FRMPD3: variants seen among roughly 807,000 people sequenced by gnomAD.
The protein encoded by FRMPD3 is FERM and PDZ domain-containing protein 3.
FRMPD3 carries 42 observed loss-of-function variants against 97.9 expected under a neutral mutation model. The ratio of observed to expected loss-of-function variants is 0.43; its 90% confidence interval spans 0.34 to 0.55. The LOEUF (loss-of-function observed/expected upper bound fraction) is 0.55, where lower values mean the gene tolerates loss of function less well. FRMPD3 is among the 20% of genes least tolerant of loss of function. The pLI is 0.03. For missense variants in FRMPD3, 1,303 were observed against 1,457.7 expected (o/e 0.89, Z 1.73); for synonymous variants, 577 against 581.1 (o/e 0.99, Z 0.10).
rs369595159 is a variant in FRMPD3 at position 107,602,633 on chromosome X, G to A, written c.4594G>A (p.Glu1532Lys). ...MKILPGMKLD[E>K]QVVPVVSRTL... ...GATCCTGCCTGGCATGAAGCTGGAC[G>A]AGCAGGTGGTGCCTGTGGTGAGCAG... Residue 1532 changes from glutamate (E) to lysine (K), a missense_variant, in exon 15 of 15, where the codon GAG becomes AAG. By Grantham distance (56) the Glu-to-Lys change is moderately conservative. This residue lies in a region of FRMPD3 where 764 missense variants were observed against 820.2 expected (regional missense o/e 0.93). Coordinates refer to ENST00000683843, the MANE Select transcript of FRMPD3 (RefSeq NM_001388459.1). 25 of 1,210,048 alleles carry A rather than the reference G, an allele frequency of 2.1e-5. No homozygotes were observed. The East Asian group carries it at 3.0e-4, about 14-fold the overall frequency.
At chrX:107,550,767 A>AC (rs1424579685) in intron 6 of FRMPD3, among the ~76,000 whole-genome samples, 1 of 110,850 alleles carries the variant, frequency 9.0e-6, no homozygotes, top group Non-Finnish European at 1.9e-5. Context: ...GATATGATTC[A>AC]CCCCCAGATT....
At chrX:107,498,519 G>A (rs1335864693) in intron 1 of FRMPD3, among the ~76,000 whole-genome samples, 1 of 112,016 alleles carries the variant, frequency 8.9e-6, no homozygotes, top group East Asian at 2.8e-4. Context: ...AGGAGCACTG[G>A]AACCTCACTC....
At chrX:107,519,267 G>T (rs2147541968) in intron 1 of FRMPD3, among the ~76,000 whole-genome samples, 1 of 112,099 alleles carries the variant, frequency 8.9e-6, no homozygotes, top group South Asian at 3.7e-4. Context: ...AGGCTGAGGT[G>T]GGTGGATTGC....
At chrX:107,553,347 C>T (rs1249734102) in intron 7 of FRMPD3, among the ~76,000 whole-genome samples, 6 of 105,916 alleles carry the variant, frequency 5.7e-5, no homozygotes, top group East Asian at 3.0e-4. Context: ...TATCCTAGGA[C>T]AAGTGGGAGT....
At chrX:107,482,602 A>G (rs926641137) in intron 1 of FRMPD3, among the ~76,000 whole-genome samples, 1 of 111,710 alleles carries the variant, frequency 9.0e-6, no homozygotes, top group African/African-American at 3.3e-5. Context: ...GGCTCTTCAG[A>G]GTCACAAGAC....
intron 4 of FRMPD3, among the ~76,000 whole-genome samples, chrX:107,542,771 C>T (rs1921377341): frequency 8.9e-6 from 1 of 112,016 alleles, no homozygotes; most frequent in African/African-American, 3.2e-5. Flanking sequence ...AATAGCTTAA[C>T]GTATTCCCAG....
At chrX:107,562,703 G>A (rs1922423077) in intron 10 of FRMPD3, among the ~76,000 whole-genome samples, 1 of 112,283 alleles carries the variant, frequency 8.9e-6, no homozygotes, top group Admixed American at 9.4e-5. Context: ...TGCAGGCTTG[G>A]GACTTAGGAA....
At position 107,491,953 on chromosome X, in the gene FRMPD3, C is replaced by T. The variant is rs779878601; in HGVS notation, c.-7-34629C>T. On this transcript the variant is annotated intron_variant, in intron 1 of 14. Coordinates refer to ENST00000683843, the MANE Select transcript of FRMPD3 (RefSeq NM_001388459.1). ...CAGAGTAATTGTTCTCTCCTCATTA[C>T]ACCCCCGAGACACCCTGCCCACTGA... Among the ~76,000 whole-genome samples, 9 of 109,615 alleles carry T rather than the reference C, an allele frequency of 8.2e-5. No homozygotes were observed. The South Asian group carries it at 3.8e-3, about 47-fold the overall frequency.
intron 1 of FRMPD3, among the ~76,000 whole-genome samples, chrX:107,480,060 T>C (rs1438043212): frequency 9.1e-6 from 1 of 109,516 alleles, no homozygotes; most frequent in Non-Finnish European, 1.9e-5. Context: ...AAACCATGAT[T>C]ATTGTATTGG....
chrX:107,591,161 CTT>C (rs1250424424), intron 13 of FRMPD3, among the ~76,000 whole-genome samples: 5 of 100,827 alleles, frequency 5.0e-5, no homozygotes, highest in Non-Finnish European at 2.0e-5. Context: ...TTCTTTCTTT[CTT>C]TTTTTTTTTT....
intron 4 of FRMPD3, among the ~76,000 whole-genome samples, chrX:107,541,282 G>A (rs1921287172): frequency 8.9e-6 from 1 of 112,531 alleles, no homozygotes; most frequent in Non-Finnish European, 1.9e-5. Context: ...TTTGGGACAC[G>A]GAGGCCTCTG....
chrX:107,503,304 A>C (rs1921958173), intron 1 of FRMPD3, among the ~76,000 whole-genome samples: 1 of 111,517 alleles, frequency 9.0e-6, no homozygotes, highest in African/African-American at 3.3e-5. Context: ...GAGGAACATC[A>C]CTCCCTTTCC....
chrX:107,598,990 G>A (rs1033383638), intron 14 of FRMPD3, among the ~76,000 whole-genome samples: 1 of 111,818 alleles, frequency 8.9e-6, no homozygotes, highest in African/African-American at 3.3e-5. Flanking sequence ...AAAGAGAAGA[G>A]AGCTGGGCGT....
chrX:107,553,179 G>A (rs898092140), intron 7 of FRMPD3, among the ~76,000 whole-genome samples: 33 of 109,726 alleles, frequency 3.0e-4, no homozygotes, highest in African/African-American at 1.0e-3. Flanking sequence ...ATGGCACCCA[G>A]AATGCTGAGA....
rs910547251 is a variant in FRMPD3 at position 107,518,552 on chromosome X, T to TA, written c.-7-8021dup. Among the ~76,000 whole-genome samples, 12 of 110,069 alleles carry TA rather than the reference T, an allele frequency of 1.1e-4. No individual in the cohort carries two copies. The South Asian group carries it at 1.2e-3, about 11-fold the overall frequency. ...GACATACCCATTAGGAAGGCTATTA[T>TA]AAAAAAAAATGAAAAACACAGAAAA... On this transcript the variant is annotated intron_variant, in intron 1 of 14. Transcript: ENST00000683843.
At position 107,600,569 on chromosome X, in the gene FRMPD3, C is replaced by T. The variant is rs1240891984; in HGVS notation, c.2530C>T (p.Pro844Ser). The T allele has an allele frequency of 8.3e-7, 1 of 1,211,051 alleles. No homozygotes were observed. Among genetic ancestry groups the T allele is most frequent in the Non-Finnish European group, 1.1e-6 (1 of 895,395 alleles). Residue 844 changes from proline to serine, a missense_variant, in exon 15 of 15, where the codon CCC becomes TCC. Pro to Ser is a moderately conservative substitution (Grantham distance 74). Coordinates refer to ENST00000683843, the MANE Select transcript of FRMPD3 (RefSeq NM_001388459.1). ...GRPDPNPSLQPIATGQSPGPP... is the reference protein window; with the variant it reads ...GRPDPNPSLQSIATGQSPGPP... Reference sequence around the variant, plus strand: ...CCCGGATCCCAACCCATCTCTCCAACCCATTGCCACAGGCCAGAGTCCTGG... The same window carrying T: ...CCCGGATCCCAACCCATCTCTCCAATCCATTGCCACAGGCCAGAGTCCTGG...
intron 2 of FRMPD3, among the ~76,000 whole-genome samples, chrX:107,529,870 A>G (rs976956017): frequency 1.8e-5 from 2 of 111,743 alleles, no homozygotes; most frequent in African/African-American, 6.5e-5. Context: ...TACCTAAGCA[A>G]GTCCCGCCTG....
chrX:107,531,618 G>A (rs748145192), intron 3 of FRMPD3, among the ~76,000 whole-genome samples: 6 of 111,445 alleles, frequency 5.4e-5, no homozygotes, highest in African/African-American at 2.0e-4. Flanking sequence ...TCCTTGGCAT[G>A]CTCCTTCCAG....
intron 2 of FRMPD3, among the ~76,000 whole-genome samples, chrX:107,529,538 T>A (rs1002707868): frequency 5.4e-5 from 6 of 110,260 alleles, no homozygotes; most frequent in Admixed American, 4.8e-4. Context: ...TGAGCCGAGA[T>A]CACGCCACTG....
Sources: allele counts gnomAD v4.1 joint callset (sites outside exome capture counted in the v4.1 genomes callset), GRCh38; gene constraint gnomAD v4.1.1; regional missense constraint gnomAD v4.1.1; transcripts MANE v1.5; gene names NCBI Gene and HGNC (gene_info 2026-07-23, HGNC 2026-07-21).